Variants in ERAP2 observed in about 807,000 individuals in gnomAD.
ERAP2 encodes leukocyte-derived arginine aminopeptidase.
Under a neutral mutation model 111.1 loss-of-function variants are expected in ERAP2, and 118 were observed. The ratio of observed to expected loss-of-function variants is 1.06; its 90% CI spans 0.92 to 1.24. The LOEUF is 1.24. Ranked by LOEUF, ERAP2 falls within the 50% of genes most tolerant of loss-of-function variation. ERAP2 has a pLI of 0.00. For synonymous variants in ERAP2, 410 were observed against 401.2 expected, an observed-to-expected ratio of 1.02 and a Z score of -0.26; for missense variants, 1,131 against 1,125.8, an observed-to-expected ratio of 1.00 and a Z score of -0.07.
At chr5:96,895,141 A>G in intron 6 of ERAP2, 105 bp from the exon 7 acceptor site, 1 of 633,122 alleles carries the variant, frequency 1.6e-6, no homozygotes, top group Non-Finnish European at 2.7e-6. Context: ...GAGAGAAGAG[A>G]GATCCTAACT....
rs898145058 is a variant in ERAP2 at position 96,889,432 on chromosome 5, A to G, written c.970+127A>G. On this transcript the variant is annotated intron_variant, in intron 5 of 18. Transcript: ENST00000437043. The stretch of plus-strand genomic sequence containing the variant: ...AATTCAGTTAGCTCAGGAAAAAATA[A>G]TTTGTTCCTCAGAGATGATTCTTGA... 9 of 1,074,086 alleles carry G rather than the reference A, an allele frequency of 8.4e-6. No individual in the cohort carries two copies. In the Admixed American group the frequency reaches 1.2e-4, roughly 14 times the overall value. 66.5% of individuals were successfully genotyped at this position (1,074,086 alleles called of 1,614,324 possible).
At chr5:96,913,540 C>A (rs1367493319) in intron 17 of ERAP2, 83 bp downstream of exon 17, 4 of 1,473,308 alleles carry the variant, frequency 2.7e-6, no homozygotes, top group East Asian at 2.4e-5. Flanking sequence ...AAATGTTTCT[C>A]AAAGCATATA....
At chr5:96,890,084 A>G (rs1241629531) in intron 5 of ERAP2, among the ~76,000 whole-genome samples, 1 of 152,198 alleles carries the variant, frequency 6.6e-6, no homozygotes, top group East Asian at 1.9e-4. Flanking sequence ...TTGTGGTAGT[A>G]GGTCTTTACA....
At chr5:96,912,819 A>C (rs537846656) in intron 16 of ERAP2, 21 bp downstream of exon 16, 1 of 1,574,560 alleles carries the variant, frequency 6.4e-7, no homozygotes, top group Non-Finnish European at 8.6e-7. Context: ...TAATTTAACT[A>C]AATTGTTATA....
At chr5:96,881,597 A>C (rs1005695444) in intron 2 of ERAP2, 3 of 425,886 alleles carry the variant, frequency 7.0e-6, no homozygotes, top group Admixed American at 2.5e-5. Context: ...CTCATGCAAC[A>C]AGAAGTCCAG....
chr5:96,899,234 C>CTGACTG (rs1372411966), intron 9 of ERAP2, among the ~76,000 whole-genome samples: 1 of 151,924 alleles, frequency 6.6e-6, no homozygotes, highest in African/African-American at 2.4e-5. Context: ...AATTTGTCTT[C>CTGACTG]TAAGTCCAAT....
At chr5:96,883,442 G>C (rs1235848775) in intron 2 of ERAP2, among the ~76,000 whole-genome samples, 2 of 152,152 alleles carry the variant, frequency 1.3e-5, no homozygotes, top group African/African-American at 2.4e-5. Flanking sequence ...ATTTCCTAGT[G>C]AATTTTGAAG....
In ERAP2 at chr5:96,902,302, T is replaced by A. The variant is rs774968539; in HGVS notation, c.1777T>A (p.Ser593Thr). The A allele has an allele frequency of 4.3e-6, 7 of 1,612,272 alleles. No homozygotes were observed. In the Admixed American group the frequency reaches 1.2e-4, roughly 27 times the overall value. ...CCTGTGGCATATCCCATTGACCTAC[T>A]CCACGAGTTCTTCTAATGTGATCCA... Reference protein sequence around the residue: ...RYLWHIPLTYSTSSSNVIHRH... With the variant: ...RYLWHIPLTYTTSSSNVIHRH... The change falls in exon 12 of 19, where the codon TCC (serine) becomes ACC (threonine). Residue 593 changes from serine (S) to threonine (T), a missense_variant. Ser to Thr is a moderately conservative substitution (Grantham distance 58). Transcript: ENST00000437043.
intron 2 of ERAP2, among the ~76,000 whole-genome samples, chr5:96,883,201 C>T (rs1016724931): frequency 6.6e-6 from 1 of 152,166 alleles, no homozygotes; most frequent in African/African-American, 2.4e-5. Context: ...TCCCAGAGCT[C>T]CCTGGGAATC....
In ERAP2 at chr5:96,879,970, G is replaced by A. The variant is rs560867442; in HGVS notation, c.285G>A (p.Glu95=). The A allele has an allele frequency of 9.0e-5, 145 of 1,614,148 alleles. 2 individuals are homozygous for A. In the South Asian group the frequency reaches 1.5e-3, roughly 17 times the overall value. ...CCTCTCTGGACTTTGTTGCATCTGA[G>A]AAGATCGAAGTCTTGGTCAGCAATG... ...NLTSLDFVAS[E]KIEVLVSNAT... Residue 95 remains glutamate (E), a synonymous_variant, in exon 2 of 19, where the codon GAG becomes GAA. Coordinates refer to ENST00000437043, the MANE Select transcript of ERAP2 (RefSeq NM_022350.5).
intron 15 of ERAP2, among the ~76,000 whole-genome samples, chr5:96,911,239 A>G (rs1786699403): frequency 6.6e-6 from 1 of 152,208 alleles, no homozygotes; most frequent in African/African-American, 2.4e-5. Context: ...AATAAGAGGT[A>G]TGGAGACTAG....
chr5:96,893,658 T>C (rs138001937), intron 6 of ERAP2, among the ~76,000 whole-genome samples: 91 of 152,340 alleles, frequency 6.0e-4, no homozygotes, highest in Non-Finnish European at 9.1e-4. Flanking sequence ...TCCACGGAGA[T>C]GCAGTCAAGT....
chr5:96,906,582 G>C (rs1434577088), intron 13 of ERAP2, among the ~76,000 whole-genome samples: 1 of 152,182 alleles, frequency 6.6e-6, no homozygotes, highest in Admixed American at 6.5e-5. Flanking sequence ...GAGAGAATTT[G>C]ATGCAAGAAT....
intron 7 of ERAP2, among the ~76,000 whole-genome samples, chr5:96,895,761 C>A (rs1784808710): frequency 6.6e-6 from 1 of 152,178 alleles, no homozygotes; most frequent in Admixed American, 6.6e-5. Context: ...AAAGGGTCTG[C>A]TGGCTTCCCC....
At chr5:96,895,029 C>T (rs1561376478) in intron 6 of ERAP2, among the ~76,000 whole-genome samples, 2 of 147,172 alleles carry the variant, frequency 1.4e-5, no homozygotes, top group Non-Finnish European at 3.0e-5. Context: ...TGAGAACACA[C>T]AAAAAAAAGA....
intron 15 of ERAP2, 128 bp downstream of exon 15, chr5:96,909,892 C>A (rs900308036): frequency 1.1e-6 from 1 of 890,436 alleles, no homozygotes; most frequent in Non-Finnish European, 1.7e-6. Context: ...GCATTACAAA[C>A]CCTGTTTCAT....
At chr5:96,915,215 G>A (rs1007548208) in intron 17 of ERAP2, among the ~76,000 whole-genome samples, 5 of 152,094 alleles carry the variant, frequency 3.3e-5, no homozygotes, top group South Asian at 2.1e-4. Context: ...CTCCATGCTG[G>A]TCAGGCAGGT....
chr5:96,883,433 T>C (rs1436329792), intron 2 of ERAP2, among the ~76,000 whole-genome samples: 1 of 152,198 alleles, frequency 6.6e-6, no homozygotes, highest in African/African-American at 2.4e-5. Flanking sequence ...GAACATTTAA[T>C]TTCCTAGTGA....
intron 14 of ERAP2, 30 bp downstream of exon 14, chr5:96,909,147 G>A (rs748009131): frequency 3.1e-6 from 5 of 1,593,620 alleles, no homozygotes; most frequent in Non-Finnish European, 4.3e-6. Flanking sequence ...AATGTATTAA[G>A]TAAATACACA....
Sources: gnomAD v4.1 joint callset for allele counts (sites outside exome capture counted in the v4.1 genomes callset) on GRCh38, gnomAD v4.1.1 for gene constraint, MANE v1.5 for transcripts, NCBI Gene and HGNC (gene_info 2026-07-23, HGNC 2026-07-21) for gene names.